SMIM36: variants seen among roughly 807,000 people sequenced by gnomAD.
The protein encoded by SMIM36 is small integral membrane protein 36.
At chr17:55,476,035 CACT>C (rs1909420943) in intron 3 of SMIM36, among the ~76,000 whole-genome samples, 1 of 152,148 alleles carries the variant, frequency 6.6e-6, no homozygotes, top group Non-Finnish European at 1.5e-5. Flanking sequence ...AACATTTCAC[CACT>C]ATTTTGTTTT....
At chr17:55,450,953 C>A (rs1469619361) in intron 4 of SMIM36, among the ~76,000 whole-genome samples, 1 of 152,186 alleles carries the variant, frequency 6.6e-6, no homozygotes, top group Admixed American at 6.5e-5. Context: ...GTGGCACGAT[C>A]ATGGCTCACT....
At chr17:55,499,351 A>G (rs1246655391) in intron 1 of SMIM36, among the ~76,000 whole-genome samples, 1 of 152,160 alleles carries the variant, frequency 6.6e-6, no homozygotes. Context: ...GTGAAAAAAC[A>G]GATGGTAGGA....
intron 1 of SMIM36, among the ~76,000 whole-genome samples, chr17:55,484,338 G>A (rs532017007): frequency 1.2e-4 from 18 of 152,304 alleles, no homozygotes; most frequent in African/African-American, 4.1e-4. Context: ...AAAAATTCTA[G>A]CCAATAAATA....
chr17:55,518,636 T>C, the SMIM36 span, among the ~76,000 whole-genome samples: 1 of 150,640 alleles, frequency 6.6e-6, no homozygotes, highest in African/African-American at 2.4e-5. Context: ...TTTTGAGGAG[T>C]TTGGTTGTGA....
intron 1 of SMIM36, among the ~76,000 whole-genome samples, chr17:55,501,280 T>C (rs1324124435): frequency 1.1e-5 from 1 of 91,528 alleles, no homozygotes; most frequent in Non-Finnish European, 1.9e-5. Flanking sequence ...TATTATATTA[T>C]ATATTATATT....
intron 1 of SMIM36, among the ~76,000 whole-genome samples, chr17:55,500,723 T>G (rs1453980888): frequency 9.6e-6 from 1 of 104,114 alleles, no homozygotes; most frequent in Non-Finnish European, 1.7e-5. Flanking sequence ...TTCAAAATTT[T>G]TAAAAGAACA....
intron 1 of SMIM36, among the ~76,000 whole-genome samples, chr17:55,501,564 T>C (rs1228234253): frequency 7.9e-6 from 1 of 125,866 alleles, no homozygotes; most frequent in African/African-American, 3.1e-5. Context: ...TATCATTATA[T>C]ACATAATAAT....
chr17:55,460,774 C>G (rs1255409177), intron 4 of SMIM36, among the ~76,000 whole-genome samples: 1 of 152,120 alleles, frequency 6.6e-6, no homozygotes, highest in Non-Finnish European at 1.5e-5. Context: ...AGGAGAATGG[C>G]GTGAACCCAG....
intron 1 of SMIM36, among the ~76,000 whole-genome samples, chr17:55,486,663 C>T (rs1909612792): frequency 6.6e-6 from 1 of 152,138 alleles, no homozygotes; most frequent in South Asian, 2.1e-4. Flanking sequence ...TGTTTCACTA[C>T]CCATAAGCGT....
chr17:55,451,649 G>A (rs1219297453), intron 4 of SMIM36, among the ~76,000 whole-genome samples: 6 of 152,126 alleles, frequency 3.9e-5, no homozygotes, highest in African/African-American at 1.4e-4. Context: ...GACAGTGTAG[G>A]TACTTAATAA....
intron 1 of SMIM36, among the ~76,000 whole-genome samples, chr17:55,494,689 CACACAT>C (rs895935243): frequency 3.1e-4 from 47 of 152,164 alleles, no homozygotes; most frequent in African/African-American, 1.1e-3. Context: ...TGAACACACA[CACACAT>C]ACACACTCAC....
the SMIM36 span, among the ~76,000 whole-genome samples, chr17:55,525,242 A>G: frequency 3.3e-5 from 5 of 152,154 alleles, no homozygotes; most frequent in Non-Finnish European, 5.9e-5. Flanking sequence ...TTATTCACAT[A>G]TATTTGGAAA....
At chr17:55,452,658 G>A (rs1295681974) in intron 4 of SMIM36, among the ~76,000 whole-genome samples, 1 of 152,200 alleles carries the variant, frequency 6.6e-6, no homozygotes, top group African/African-American at 2.4e-5. Context: ...CAGAAAATGG[G>A]CTTTGTCATC....
At chr17:55,531,917 T>C in the SMIM36 span, among the ~76,000 whole-genome samples, 2 of 152,246 alleles carry the variant, frequency 1.3e-5, no homozygotes, top group Non-Finnish European at 2.9e-5. Flanking sequence ...TGCCATCATG[T>C]AGAAGAGGTA....
intron 1 of SMIM36, among the ~76,000 whole-genome samples, chr17:55,487,253 A>G (rs982724862): frequency 3.3e-5 from 5 of 152,194 alleles, no homozygotes; most frequent in Non-Finnish European, 7.3e-5. Flanking sequence ...CCTAATGTAA[A>G]TGACGAATTA....
At chr17:55,450,815 C>T (rs1908898677) in intron 4 of SMIM36, among the ~76,000 whole-genome samples, 2 of 152,180 alleles carry the variant, frequency 1.3e-5, no homozygotes, top group Non-Finnish European at 2.9e-5. Flanking sequence ...ACTTTACCTC[C>T]AAGAAGACAT....
chr17:55,531,554 C>G, the SMIM36 span, among the ~76,000 whole-genome samples: 10 of 152,170 alleles, frequency 6.6e-5, no homozygotes, highest in Non-Finnish European at 5.9e-5. Flanking sequence ...ATCAATGAAG[C>G]TCTTGGTAGT....
intron 3 of SMIM36, among the ~76,000 whole-genome samples, chr17:55,474,618 T>C (rs1332168224): frequency 6.6e-6 from 1 of 152,222 alleles, no homozygotes; most frequent in African/African-American, 2.4e-5. Flanking sequence ...GATTGCTTGA[T>C]ACTTTGGTTT....
chr17:55,515,113 T>G (rs1910250631), upstream of SMIM36, among the ~76,000 whole-genome samples: 2 of 137,268 alleles, frequency 1.5e-5, no homozygotes, highest in East Asian at 2.2e-4. Context: ...TTTTTTTTTT[T>G]TGCGCTGGAA....
Sources: allele counts gnomAD v4.1 joint callset (sites outside exome capture counted in the v4.1 genomes callset), GRCh38; gene constraint gnomAD v4.1.1; transcripts MANE v1.5; gene names NCBI Gene and HGNC (gene_info 2026-07-23, HGNC 2026-07-21).